Variants in TRAPPC9 observed in about 807,000 individuals in gnomAD.
The protein encoded by TRAPPC9 is trafficking protein particle complex subunit 9, also known as IKK2 binding protein.
A neutral mutation model predicts 124.0 loss-of-function variants in TRAPPC9; 83 were observed. That is an observed-to-expected ratio of 0.67 (90% CI 0.56 to 0.80). TRAPPC9 has a LOEUF of 0.80. TRAPPC9 is among the 30% of genes least tolerant of loss of function. The probability of loss-of-function intolerance (pLI) is 0.00; values close to 1 mark genes in which losing one functional copy is unlikely to be tolerated. For synonymous variants in TRAPPC9, 638 were observed against 617.5 expected, an observed-to-expected ratio of 1.03 and a Z score of -0.49; for missense variants, 1,302 against 1,508.3, an observed-to-expected ratio of 0.86 and a Z score of 2.27.
At chr8:139,911,557 A>T (rs921424217) in intron 19 of TRAPPC9, among the ~76,000 whole-genome samples, 3 of 151,942 alleles carry the variant, frequency 2.0e-5, no homozygotes, top group Non-Finnish European at 4.4e-5. Flanking sequence ...ATACAAAAAT[A>T]AGCCAGGTAT....
At chr8:140,160,060 G>A (rs1240943952) in intron 17 of TRAPPC9, among the ~76,000 whole-genome samples, 1 of 152,232 alleles carries the variant, frequency 6.6e-6, no homozygotes, top group Non-Finnish European at 1.5e-5. Flanking sequence ...CATCATCACT[G>A]CTCATTAGAG....
At chr8:140,239,209 C>T (rs2063801783) in intron 16 of TRAPPC9, among the ~76,000 whole-genome samples, 1 of 152,134 alleles carries the variant, frequency 6.6e-6, no homozygotes, top group Non-Finnish European at 1.5e-5. Context: ...ACGCACCACC[C>T]TCAGCCCCCT....
chr8:140,311,651 C>A (rs1412280537), intron 9 of TRAPPC9, among the ~76,000 whole-genome samples: 10 of 152,122 alleles, frequency 6.6e-5, no homozygotes, highest in Admixed American at 2.6e-4. Context: ...AAACCCTTAT[C>A]AAATTTCAAG....
intron 21 of TRAPPC9, among the ~76,000 whole-genome samples, chr8:139,772,046 G>A (rs927565088): frequency 5.3e-5 from 8 of 152,234 alleles, no homozygotes; most frequent in Non-Finnish European, 7.3e-5. Context: ...GGATGGATGG[G>A]GCACTGGCTA....
chr8:140,415,427 C>T (rs1408147887), intron 5 of TRAPPC9, among the ~76,000 whole-genome samples: 2 of 150,928 alleles, frequency 1.3e-5, no homozygotes, highest in East Asian at 2.0e-4. Context: ...TGGTGGTGCA[C>T]GCCTGTAATC....
chr8:139,966,489 C>A (rs1241189368), intron 19 of TRAPPC9, among the ~76,000 whole-genome samples: 2 of 152,234 alleles, frequency 1.3e-5, no homozygotes, highest in Admixed American at 1.3e-4. Context: ...CAAGCTTGGT[C>A]CTTCTTCCAG....
At chr8:139,853,244 T>C (rs1433470032) in intron 21 of TRAPPC9, among the ~76,000 whole-genome samples, 1 of 152,200 alleles carries the variant, frequency 6.6e-6, no homozygotes, top group Non-Finnish European at 1.5e-5. Context: ...TGCAGGATGC[T>C]TGCCCTTCGG....
intron 21 of TRAPPC9, among the ~76,000 whole-genome samples, chr8:139,864,697 AGCAAGCCCT>A (rs56242617): frequency 0.12 from 18,372 of 152,154 alleles, 1,469 homozygotes; most frequent in South Asian, 0.25. Context: ...GCCGACCGCC[AGCAAGCCCT>A]GCAGGGCTGT....
chr8:139,779,544 G>A (rs1341968593), intron 21 of TRAPPC9, among the ~76,000 whole-genome samples: 4 of 152,054 alleles, frequency 2.6e-5, no homozygotes, highest in Admixed American at 6.5e-5. Flanking sequence ...AACGTATGAC[G>A]ACAATAGTAT....
intron 17 of TRAPPC9, among the ~76,000 whole-genome samples, chr8:140,113,208 T>C (rs1195586654): frequency 3.3e-5 from 5 of 152,176 alleles, no homozygotes; most frequent in African/African-American, 9.7e-5. Context: ...AAATAGAACA[T>C]AGTCCCCTGG....
intron 9 of TRAPPC9, among the ~76,000 whole-genome samples, chr8:140,317,359 G>T (rs1183459991): frequency 1.3e-5 from 2 of 152,114 alleles, no homozygotes; most frequent in African/African-American, 4.8e-5. Context: ...GCCAGTGGGA[G>T]TCCCTTCTGG....
chr8:140,072,588 AAGGGAAGGAGGAGGAGGAGGAGGAGG>A (rs1563738975), intron 17 of TRAPPC9, among the ~76,000 whole-genome samples: 1 of 24,994 alleles, frequency 4.0e-5, no homozygotes, highest in Non-Finnish European at 7.4e-5. Flanking sequence ...GGAGGAGGAG[AAGGGAAGGAGGAGGAGGAGGAGGAGG>A]AGGAGGAGGA....
intron 7 of TRAPPC9, among the ~76,000 whole-genome samples, chr8:140,384,464 G>C (rs1015582580): frequency 1.3e-5 from 2 of 152,054 alleles, no homozygotes; most frequent in African/African-American, 4.8e-5. Flanking sequence ...GGATGGAGGA[G>C]GATCTACCAA....
chr8:140,423,473 A>G (rs768853255), intron 5 of TRAPPC9, among the ~76,000 whole-genome samples: 2 of 151,912 alleles, frequency 1.3e-5, no homozygotes, highest in African/African-American at 2.4e-5. Flanking sequence ...TCAAACAAAC[A>G]CATGTCCACA....
At chr8:140,334,978 CA>C (rs2066996247) in intron 9 of TRAPPC9, among the ~76,000 whole-genome samples, 1 of 151,710 alleles carries the variant, frequency 6.6e-6, no homozygotes, top group South Asian at 2.1e-4. Context: ...ACTTAAAAAG[CA>C]AAAAATGTTC....
At chr8:140,059,022 T>C (rs1842440469) in intron 17 of TRAPPC9, among the ~76,000 whole-genome samples, 1 of 152,204 alleles carries the variant, frequency 6.6e-6, no homozygotes, top group Admixed American at 6.5e-5. Context: ...TATTTAACTG[T>C]CAAGTTCAAC....
chr8:140,116,311 T>TA (rs1479718115), intron 17 of TRAPPC9, among the ~76,000 whole-genome samples: 1 of 152,174 alleles, frequency 6.6e-6, no homozygotes, highest in African/African-American at 2.4e-5. Flanking sequence ...TTGCACCTGT[T>TA]AAAAGAGTCC....
intron 12 of TRAPPC9, among the ~76,000 whole-genome samples, chr8:140,289,715 G>A (rs1026919045): frequency 6.6e-6 from 1 of 152,122 alleles, no homozygotes; most frequent in Non-Finnish European, 1.5e-5. Context: ...AAGAGCAGCA[G>A]GCATTTGATA....
At position 139,730,716 on chromosome 8, in the gene TRAPPC9, G is replaced by A; in HGVS notation, c.*345C>T. 1 of 343,986 alleles carries A rather than the reference G, an allele frequency of 2.9e-6. No individual in the cohort carries two copies. The allele number at this position is 343,986 out of a possible 1,614,324, so 21.3% of individuals were successfully genotyped here. A position where few individuals can be genotyped will look rare whatever the true frequency, so the allele number is the denominator to read the frequency against. The stretch of plus-strand genomic sequence containing the variant: ...ACGAGGGAGGTCCCTCTGCTGGGAT[G>A]AGCAGCACAGCACGGCTGGGGCCCC... On this transcript the variant is annotated 3_prime_UTR_variant, in exon 23 of 23. Coordinates refer to ENST00000438773, the MANE Select transcript of TRAPPC9 (RefSeq NM_001160372.4).
Sources: gnomAD v4.1 joint callset for allele counts (sites outside exome capture counted in the v4.1 genomes callset) on GRCh38, gnomAD v4.1.1 for gene constraint, MANE v1.5 for transcripts, NCBI Gene and HGNC (gene_info 2026-07-23, HGNC 2026-07-21) for gene names.